The following CDH13 variants were observed in gnomAD, a reference collection of about 807,000 sequenced individuals.
The protein encoded by CDH13 is cadherin 13, also known as cadherin-13.
Under a neutral mutation model 63.8 loss-of-function variants are expected in CDH13, and 24 were observed. That is an observed-to-expected ratio of 0.38 (90% CI 0.27 to 0.53). The LOEUF is 0.53. Ranked by LOEUF, CDH13 falls within the 20% of genes least tolerant of loss-of-function variation. CDH13 has a pLI of 0.85. For synonymous variants in CDH13, 503 were observed against 355.3 expected (o/e 1.42, Z -4.67); for missense variants, 1,049 against 903.1 (o/e 1.16, Z -2.07).
At chr16:82,792,346 C>G (rs1227357483) in intron 1 of CDH13, among the ~76,000 whole-genome samples, 1 of 152,112 alleles carries the variant, frequency 6.6e-6, no homozygotes, top group African/African-American at 2.4e-5. Flanking sequence ...ACACACTAGC[C>G]TACTATTTGA....
At chr16:83,427,502 C>G (rs575128051) in intron 6 of CDH13, among the ~76,000 whole-genome samples, 1 of 152,140 alleles carries the variant, frequency 6.6e-6, no homozygotes, top group Non-Finnish European at 1.5e-5. Context: ...ACACCTTGAC[C>G]TAACCCCCAT....
At chr16:82,694,533 T>C (rs1290360778) in intron 1 of CDH13, among the ~76,000 whole-genome samples, 1 of 152,186 alleles carries the variant, frequency 6.6e-6, no homozygotes, top group Non-Finnish European at 1.5e-5. Context: ...ATACTAAGAC[T>C]ATAAAACTGA....
chr16:82,808,354 C>T (rs1377825401), intron 1 of CDH13, among the ~76,000 whole-genome samples: 1 of 152,162 alleles, frequency 6.6e-6, no homozygotes, highest in East Asian at 1.9e-4. Context: ...TCTCTGTCTA[C>T]TTTCTAGGGA....
At chr16:82,931,927 G>C (rs1291485369) in intron 2 of CDH13, among the ~76,000 whole-genome samples, 1 of 152,150 alleles carries the variant, frequency 6.6e-6, no homozygotes, top group Non-Finnish European at 1.5e-5. Flanking sequence ...CACCTTACAA[G>C]TTCCATGTCT....
chr16:82,706,401 G>A (rs1448469692), intron 1 of CDH13, among the ~76,000 whole-genome samples: 1 of 152,188 alleles, frequency 6.6e-6, no homozygotes, highest in Non-Finnish European at 1.5e-5. Flanking sequence ...ATAAGGATAA[G>A]GGATGAGACA....
intron 1 of CDH13, among the ~76,000 whole-genome samples, chr16:82,852,594 C>A (rs1327945896): frequency 6.6e-6 from 1 of 152,198 alleles, no homozygotes; most frequent in East Asian, 1.9e-4. Flanking sequence ...GCACCATGTC[C>A]TATTGTGAGA....
intron 7 of CDH13, among the ~76,000 whole-genome samples, chr16:83,548,166 G>T (rs150392936): frequency 6.6e-6 from 1 of 152,082 alleles, no homozygotes; most frequent in South Asian, 2.1e-4. Context: ...ACCTAGTGGG[G>T]GTGCCAGGGT....
intron 2 of CDH13, among the ~76,000 whole-genome samples, chr16:82,984,970 A>G (rs1184720360): frequency 1.3e-5 from 2 of 151,952 alleles, no homozygotes; most frequent in Non-Finnish European, 2.9e-5. Context: ...AAGCCAGAAC[A>G]CCTGTGTCTT....
intron 1 of CDH13, among the ~76,000 whole-genome samples, chr16:82,854,256 C>T (rs867794253): frequency 2.0e-5 from 3 of 152,012 alleles, no homozygotes; most frequent in African/African-American, 7.2e-5. Flanking sequence ...AGAAAATTAG[C>T]TAGGCGTGGT....
chr16:83,052,632 T>G (rs60197493), intron 3 of CDH13, among the ~76,000 whole-genome samples: 24 of 151,838 alleles, frequency 1.6e-4, no homozygotes, highest in African/African-American at 5.3e-4. Flanking sequence ...ATACAAAAAT[T>G]AGCCAGGCAT....
At chr16:83,183,129 G>C (rs1028966809) in intron 4 of CDH13, among the ~76,000 whole-genome samples, 1 of 152,074 alleles carries the variant, frequency 6.6e-6, no homozygotes, top group African/African-American at 2.4e-5. Flanking sequence ...AACATTTAAG[G>C]GAACTATTCG....
intron 3 of CDH13, among the ~76,000 whole-genome samples, chr16:83,122,900 AGG>A (rs1315600725): frequency 6.6e-6 from 1 of 152,116 alleles, no homozygotes; most frequent in African/African-American, 2.4e-5. Flanking sequence ...TGTACCCAAC[AGG>A]TGATTTTTCA....
chr16:83,160,106 A>T (rs543310280), intron 4 of CDH13, among the ~76,000 whole-genome samples: 2 of 152,096 alleles, frequency 1.3e-5, no homozygotes, highest in Admixed American at 6.6e-5. Context: ...AAATTGTTAC[A>T]TAATGCACCC....
intron 8 of CDH13, among the ~76,000 whole-genome samples, chr16:83,635,555 G>T (rs1342705108): frequency 6.6e-6 from 1 of 151,834 alleles, no homozygotes; most frequent in African/African-American, 2.4e-5. Flanking sequence ...TGCTGGCCAG[G>T]CTGGTCTCGA....
intron 5 of CDH13, among the ~76,000 whole-genome samples, chr16:83,258,661 C>G (rs1906580785): frequency 6.6e-6 from 1 of 152,174 alleles, no homozygotes; most frequent in Non-Finnish European, 1.5e-5. Context: ...GTGGCAAACT[C>G]ATTAACGCAA....
intron 6 of CDH13, among the ~76,000 whole-genome samples, chr16:83,421,285 C>G (rs901339614): frequency 6.6e-6 from 1 of 152,094 alleles, no homozygotes; most frequent in Non-Finnish European, 1.5e-5. Context: ...CTATATTAAG[C>G]TGCAAATAAA....
At chr16:83,207,308 C>A (rs534690396) in intron 4 of CDH13, among the ~76,000 whole-genome samples, 160 of 152,250 alleles carry the variant, frequency 1.1e-3, no homozygotes, top group African/African-American at 3.7e-3. Context: ...ACTCCAGGTG[C>A]CTCTTGTAAG....
At position 83,036,712 on chromosome 16, in the gene CDH13, C is replaced by T. The variant is rs1264234201; in HGVS notation, c.366+4494C>T. 3.3e-5 allele frequency among the ~76,000 whole-genome samples: 5 copies of T among 152,130 alleles called. No individual in the cohort carries two copies. In the South Asian group the frequency reaches 8.3e-4, roughly 25 times the overall value. ...CACTCTGCATCCCTCTCCCTTGCAC[C>T]CTGTGTTCTGCTTCTTCCCAGCCCT... On this transcript the variant is annotated intron_variant, in intron 3 of 13. Transcript: ENST00000567109.
rs191137923 is a variant in CDH13 at position 82,931,813 on chromosome 16, C to A, written c.157+73340C>A. 3.7e-4 allele frequency among the ~76,000 whole-genome samples: 56 copies of A among 152,106 alleles called. No homozygotes were observed. The East Asian group carries it at 6.0e-3, about 16-fold the overall frequency. ...AAGAGAACAGTATGGAGGAAACCAT[C>A]CCCATGATTCATTATTTCCCACATG... is the stretch of plus-strand genomic sequence containing the variant. On this transcript the variant is annotated intron_variant, in intron 2 of 13. Transcript: ENST00000567109.
Sources: allele counts gnomAD v4.1 joint callset (sites outside exome capture counted in the v4.1 genomes callset), GRCh38; gene constraint gnomAD v4.1.1; transcripts MANE v1.5; gene names NCBI Gene and HGNC (gene_info 2026-07-23, HGNC 2026-07-21).